Variants in RAD17 observed in about 807,000 individuals in gnomAD.
RAD17 encodes the protein cell cycle checkpoint protein RAD17.
A neutral mutation model predicts 81.5 loss-of-function variants in RAD17; 31 were observed. That is an observed-to-expected ratio of 0.38 (90% CI 0.29 to 0.51). The LOEUF (loss-of-function observed/expected upper bound fraction) is 0.51. Ranked by LOEUF, RAD17 falls within the 20% of genes least tolerant of loss-of-function variation. RAD17 has a pLI of 0.88. For missense variants in RAD17, 681 were observed against 781.2 expected, an observed-to-expected ratio of 0.87 and a Z score of 1.53; for synonymous variants, 261 against 266.2, an observed-to-expected ratio of 0.98 and a Z score of 0.19.
Position 69,386,451 on chromosome 5 carries a change from A to G in RAD17, c.880A>G (p.Ile294Val), listed in dbSNP as rs764915753. The stretch of plus-strand genomic sequence containing the variant: ...GAAATTTCTTAATCGAATAGTGACT[A>G]TAGAAGCTAACAAGGTAAGTCTCTG... ...MMKFLNRIVT[I>V]EANKNGGKIT... Residue 294 changes from isoleucine (I) to valine (V), a missense_variant, in exon 11 of 19, where the codon ATA becomes GTA. Transcript: ENST00000354868. The G allele has an allele frequency of 1.9e-5, 31 of 1,595,552 alleles. No individual in the cohort carries two copies. Among genetic ancestry groups the G allele is most frequent in the Non-Finnish European group, 2.5e-5 (29 of 1,173,228 alleles).
At chr5:69,387,800 T>C (rs1198173163) in intron 11 of RAD17, among the ~76,000 whole-genome samples, 1 of 152,054 alleles carries the variant, frequency 6.6e-6, no homozygotes, top group Non-Finnish European at 1.5e-5. Flanking sequence ...GAGGTTGCAG[T>C]GAGCCGAGAT....
rs1763052087 is a variant in RAD17, at chr5:69,372,213, A to G, written c.5A>G (p.Asn2Ser). MNQVTDWVDPSF... is the reference protein window; with the variant it reads MSQVTDWVDPSF... ...CAATCTTTTGATGAGGACGAAATGA[A>G]TCAGGTAGCTATGACTAAAATTTTT... Residue 2 changes from asparagine to serine, a missense_variant, in exon 4 of 19, where the codon AAT becomes AGT. Physicochemically the swap from Asn to Ser is conservative, Grantham distance 46. Coordinates refer to ENST00000354868, the MANE Select transcript of RAD17 (RefSeq NM_133338.3). 6.2e-7 allele frequency: 1 copy of G among 1,606,714 alleles called. No individual in the cohort carries two copies. The highest frequency in any genetic ancestry group is 1.3e-5 in the African/African-American group (1 of 74,720).
intron 6 of RAD17, among the ~76,000 whole-genome samples, chr5:69,377,474 T>TATATATACAC (rs1322869343): frequency 2.9e-4 from 3 of 10,180 alleles, no homozygotes; most frequent in Admixed American, 1.6e-3. Flanking sequence ...TATATATATA[T>TATATATACAC]ACACACACAC....
rs767696879 is a variant in RAD17 at position 69,384,915 on chromosome 5, G to A, written c.627G>A (p.Lys209=). Residue 209 remains lysine (K), a synonymous_variant, in exon 8 of 19, where the codon AAG becomes AAA. Coordinates refer to ENST00000354868, the MANE Select transcript of RAD17 (RefSeq NM_133338.3). The part of the protein sequence containing the change: ...QMLGDDLRTD[K]KIILVEDLPN... ...TTGGAGATGATCTGAGAACTGATAAGAAGATAATTCTGGTTGAAGTAAGGA... is the reference window on the plus strand; with the variant it reads ...TTGGAGATGATCTGAGAACTGATAAAAAGATAATTCTGGTTGAAGTAAGGA... The A allele has an allele frequency of 2.5e-6, 4 of 1,585,008 alleles. No homozygotes were observed. The South Asian group carries it at 4.6e-5, about 18-fold the overall frequency.
At chr5:69,385,532 G>A (rs1300531557) in intron 8 of RAD17, among the ~76,000 whole-genome samples, 2 of 151,608 alleles carry the variant, frequency 1.3e-5, no homozygotes, top group South Asian at 2.1e-4. Context: ...TTGGCCTCCC[G>A]AGTGCTGGGA....
chr5:69,375,528 A>T (rs909988281), intron 6 of RAD17, among the ~76,000 whole-genome samples: 12 of 152,238 alleles, frequency 7.9e-5, no homozygotes, highest in South Asian at 2.1e-4. Context: ...ATAATAAAAA[A>T]ATATATATAG....
In RAD17 at chr5:69,414,358, G is replaced by C; in HGVS notation, c.*66G>C. The stretch of plus-strand genomic sequence containing the variant: ...TTTTGTTTCATTCAGTGGTACTTCA[G>C]CAGAGTTAATATGCTTTTCTGATGA... On this transcript the variant is annotated 3_prime_UTR_variant, in exon 19 of 19. Transcript: ENST00000354868. The C allele has an allele frequency of 6.6e-7, 1 of 1,510,400 alleles. No individual in the cohort carries two copies. Among genetic ancestry groups the C allele is most frequent in the Non-Finnish European group, 9.1e-7 (1 of 1,100,980 alleles). The allele number at this position is 1,510,400 out of a possible 1,614,324, so 93.6% of individuals were successfully genotyped here.
At chr5:69,393,616 A>G (rs1418905328) in intron 15 of RAD17, 116 bp downstream of exon 15, 5 of 983,862 alleles carry the variant, frequency 5.1e-6, no homozygotes, top group East Asian at 2.7e-5. Flanking sequence ...TTTCTTCATA[A>G]CTATGCTAAA....
chr5:69,411,385 T>A (rs1765989239), intron 18 of RAD17, among the ~76,000 whole-genome samples: 1 of 152,112 alleles, frequency 6.6e-6, no homozygotes, highest in African/African-American at 2.4e-5. Context: ...CACCCCAGCC[T>A]GGGCAACAAA....
intron 17 of RAD17, among the ~76,000 whole-genome samples, chr5:69,402,976 T>G (rs907175342): frequency 2.0e-5 from 3 of 152,198 alleles, no homozygotes; most frequent in African/African-American, 7.2e-5. Flanking sequence ...ATTCAAATTT[T>G]TCCAATTGTC....
upstream of RAD17, chr5:69,369,626 C>T (rs940166407): frequency 7.0e-6 from 11 of 1,570,408 alleles, no homozygotes; most frequent in African/African-American, 1.2e-4. Context: ...CCTAGCCTGC[C>T]CCGGCGGCCC....
At chr5:69,404,965 T>C (rs190308123) in intron 17 of RAD17, among the ~76,000 whole-genome samples, 1 of 152,114 alleles carries the variant, frequency 6.6e-6, no homozygotes, top group East Asian at 1.9e-4. Flanking sequence ...AGATAGACAT[T>C]TCTTAAAAGA....
chr5:69,410,628 T>C (rs1054498307), intron 18 of RAD17, 78 bp downstream of exon 18: 1 of 1,299,428 alleles, frequency 7.7e-7, no homozygotes, highest in Non-Finnish European at 1.1e-6. Flanking sequence ...TCAATAACTG[T>C]TACCTGTAAC....
intron 7 of RAD17, among the ~76,000 whole-genome samples, chr5:69,383,381 CTAT>C (rs1410823409): frequency 1.3e-5 from 2 of 150,664 alleles, no homozygotes; most frequent in South Asian, 2.1e-4. Context: ...ATTATTATTA[CTAT>C]TATTATTATT....
intron 4 of RAD17, among the ~76,000 whole-genome samples, chr5:69,373,353 A>G (rs1218523635): frequency 6.6e-6 from 1 of 152,204 alleles, no homozygotes. Context: ...CACTTACTGT[A>G]AAGTAGAAAA....
intron 6 of RAD17, among the ~76,000 whole-genome samples, chr5:69,381,333 T>G (rs547415528): frequency 6.6e-6 from 1 of 151,936 alleles, no homozygotes; most frequent in African/African-American, 2.4e-5. Context: ...ACAAAAAAAT[T>G]AGCCGGGCGT....
rs183631076 is a variant in RAD17 at position 69,369,925 on chromosome 5, T to A, written c.-425T>A. ...CTCTTCGCCTAAAAGGGGATGCAGC[T>A]CCGGGAAAGTAAGGCCGCCGCGGTT... On this transcript the variant is annotated 5_prime_UTR_variant, in exon 1 of 19. Transcript: ENST00000354868. 823 of 563,890 alleles carry A rather than the reference T, an allele frequency of 1.5e-3. 2 individuals are homozygous for A. The highest frequency in any genetic ancestry group is 6.0e-3 in the Middle Eastern group (13 of 2,178). The allele number at this position is 563,890 out of a possible 1,614,324, so 34.9% of individuals were successfully genotyped here. A position where few individuals can be genotyped will look rare whatever the true frequency, so the allele number is the denominator to read the frequency against.
chr5:69,396,141 C>T (rs1764871770), intron 15 of RAD17, among the ~76,000 whole-genome samples: 1 of 152,100 alleles, frequency 6.6e-6, no homozygotes, highest in Non-Finnish European at 1.5e-5. Flanking sequence ...TCATTTGCCT[C>T]AAAAATGTAT....
At chr5:69,396,926 G>A (rs1208929924) in intron 16 of RAD17, among the ~76,000 whole-genome samples, 5 of 151,774 alleles carry the variant, frequency 3.3e-5, no homozygotes, top group African/African-American at 1.2e-4. Flanking sequence ...TCCGCCTCCC[G>A]GGTTCAAGCA....
Sources: gnomAD v4.1 joint callset for allele counts (sites outside exome capture counted in the v4.1 genomes callset) on GRCh38, gnomAD v4.1.1 for gene constraint, MANE v1.5 for transcripts, NCBI Gene and HGNC (gene_info 2026-07-23, HGNC 2026-07-21) for gene names.